The following SHISA9 variants were observed in gnomAD, a reference collection of about 807,000 sequenced individuals.
SHISA9 encodes the protein shisa family member 9, also known as protein shisa-9.
Under a neutral mutation model 38.0 loss-of-function variants are expected in SHISA9, and 13 were observed. That is an observed-to-expected ratio of 0.34 (90% CI 0.22 to 0.54). The LOEUF (loss-of-function observed/expected upper bound fraction) is 0.54, where lower values mean the gene tolerates loss of function less well. Ranked by LOEUF, SHISA9 falls within the 20% of genes least tolerant of loss-of-function variation. SHISA9 has a pLI of 0.91. For synonymous variants in SHISA9, 275 were observed against 242.0 expected (o/e 1.14, Z -1.27); for missense variants, 538 against 575.8 (o/e 0.93, Z 0.67).
chr16:12,924,647 A>G (rs778746909), intron 2 of SHISA9, among the ~76,000 whole-genome samples: 15 of 152,196 alleles, frequency 9.9e-5, no homozygotes, highest in Non-Finnish European at 1.9e-4. Context: ...TAGCTAAAAT[A>G]TGTTTGTAGG....
At chr16:13,289,557 G>A in the SHISA9 span, among the ~76,000 whole-genome samples, 1 of 151,896 alleles carries the variant, frequency 6.6e-6, no homozygotes. Flanking sequence ...AAAACCCCAA[G>A]AGGATCAGAC....
the SHISA9 span, among the ~76,000 whole-genome samples, chr16:13,441,186 G>C: frequency 6.6e-6 from 1 of 152,220 alleles, no homozygotes; most frequent in Admixed American, 6.5e-5. Flanking sequence ...TGTTGGGAAA[G>C]AGGAAGCTGA....
At chr16:13,320,078 G>A in the SHISA9 span, among the ~76,000 whole-genome samples, 3 of 151,774 alleles carry the variant, frequency 2.0e-5, no homozygotes, top group Non-Finnish European at 2.9e-5. Context: ...AGATCACGAG[G>A]TCAGGAGATC....
intron 2 of SHISA9, among the ~76,000 whole-genome samples, chr16:12,929,778 G>A (rs749984513): frequency 2.6e-5 from 4 of 151,992 alleles, no homozygotes; most frequent in African/African-American, 4.8e-5. Flanking sequence ...TCCTGCACAC[G>A]TAGCCCTGCA....
intron 2 of SHISA9, among the ~76,000 whole-genome samples, chr16:13,102,901 A>T (rs2073892771): frequency 6.6e-6 from 1 of 152,206 alleles, no homozygotes; most frequent in Non-Finnish European, 1.5e-5. Context: ...CAGACTTTTC[A>T]TTCAGAAGGG....
the SHISA9 span, among the ~76,000 whole-genome samples, chr16:13,294,841 C>G: frequency 1.3e-5 from 2 of 152,160 alleles, no homozygotes; most frequent in African/African-American, 4.8e-5. Flanking sequence ...TGTGTCCTAT[C>G]TAGAGTGAGG....
chr16:13,418,207 A>T, the SHISA9 span, among the ~76,000 whole-genome samples: 2 of 152,046 alleles, frequency 1.3e-5, no homozygotes, highest in Non-Finnish European at 2.9e-5. Flanking sequence ...AGGATCTTTG[A>T]AGAAAAAAAA....
chr16:13,518,560 C>T, the SHISA9 span, among the ~76,000 whole-genome samples: 2 of 152,156 alleles, frequency 1.3e-5, no homozygotes, highest in Non-Finnish European at 2.9e-5. Flanking sequence ...TTACCTGCTC[C>T]ATCGAGCTGC....
the SHISA9 span, among the ~76,000 whole-genome samples, chr16:13,378,061 C>G: frequency 6.6e-6 from 1 of 152,074 alleles, no homozygotes; most frequent in African/African-American, 2.4e-5. Flanking sequence ...AATATTTATG[C>G]CAACTGGAGA....
intron 1 of SHISA9, among the ~76,000 whole-genome samples, chr16:12,914,115 G>A (rs2071223246): frequency 6.8e-6 from 1 of 146,160 alleles, no homozygotes; most frequent in Non-Finnish European, 1.5e-5. Flanking sequence ...GCGCGATCTC[G>A]GCTCACTGCA....
chr16:13,440,210 G>C, the SHISA9 span, among the ~76,000 whole-genome samples: 1 of 152,262 alleles, frequency 6.6e-6, no homozygotes, highest in Admixed American at 6.5e-5. Flanking sequence ...CTGAATACTT[G>C]GGGGCTCCCT....
intron 2 of SHISA9, among the ~76,000 whole-genome samples, chr16:13,117,589 G>A (rs2074042731): frequency 6.6e-6 from 1 of 152,150 alleles, no homozygotes; most frequent in African/African-American, 2.4e-5. Context: ...AGAGAGACAT[G>A]CAGAGAAGAA....
chr16:13,329,352 C>T, the SHISA9 span, among the ~76,000 whole-genome samples: 3 of 152,146 alleles, frequency 2.0e-5, no homozygotes, highest in African/African-American at 7.2e-5. Flanking sequence ...TGTGTGTTGG[C>T]ATCCTCATCT....
At chr16:13,256,580 G>A in the SHISA9 span, among the ~76,000 whole-genome samples, 3 of 152,164 alleles carry the variant, frequency 2.0e-5, no homozygotes, top group Admixed American at 6.6e-5. Context: ...GCACCTGGCC[G>A]TATATTGTTT....
At chr16:13,122,631 A>G (rs2050223168) in intron 2 of SHISA9, among the ~76,000 whole-genome samples, 1 of 152,234 alleles carries the variant, frequency 6.6e-6, no homozygotes, top group African/African-American at 2.4e-5. Context: ...TGTTGCAGAA[A>G]AAAGGGGGAG....
the SHISA9 span, among the ~76,000 whole-genome samples, chr16:13,359,701 A>T: frequency 6.6e-6 from 1 of 152,100 alleles, no homozygotes; most frequent in Non-Finnish European, 1.5e-5. Flanking sequence ...TTTTTGTAAG[A>T]TCTGAAGTTT....
intron 2 of SHISA9, among the ~76,000 whole-genome samples, chr16:12,963,127 C>T (rs996993451): frequency 1.3e-5 from 2 of 152,180 alleles, no homozygotes; most frequent in Non-Finnish European, 2.9e-5. Context: ...GTCAGAGGTG[C>T]CTGAGGGAAG....
At chr16:13,405,319 G>T in the SHISA9 span, among the ~76,000 whole-genome samples, 2 of 152,170 alleles carry the variant, frequency 1.3e-5, no homozygotes, top group African/African-American at 2.4e-5. Flanking sequence ...AGGGTAGGAG[G>T]CAGCCTTGGG....
At chr16:12,926,956 G>T (rs907044964) in intron 2 of SHISA9, among the ~76,000 whole-genome samples, 4 of 152,124 alleles carry the variant, frequency 2.6e-5, no homozygotes, top group Admixed American at 2.6e-4. Context: ...CACTGCTTTT[G>T]GTTGGAAAAT....
Sources: gnomAD v4.1 joint callset for allele counts (sites outside exome capture counted in the v4.1 genomes callset) on GRCh38, gnomAD v4.1.1 for gene constraint, MANE v1.5 for transcripts, NCBI Gene and HGNC (gene_info 2026-07-23, HGNC 2026-07-21) for gene names.